Variants in SPECC1L observed in about 807,000 individuals in gnomAD.
The protein encoded by SPECC1L is sperm antigen with calponin homology and coiled-coil domains 1 like.
A neutral mutation model predicts 116.8 loss-of-function variants in SPECC1L; 40 were observed. The ratio of observed to expected loss-of-function variants is 0.34; its 90% confidence interval spans 0.27 to 0.45. SPECC1L has a LOEUF of 0.45. Ranked by LOEUF, SPECC1L falls within the 20% of genes least tolerant of loss-of-function variation. The pLI, the probability that SPECC1L is intolerant of heterozygous loss-of-function variation, is 1.00. For missense variants in SPECC1L, 1,110 were observed against 1,373.6 expected (o/e 0.81, Z 3.03); for synonymous variants, 504 against 500.6 (o/e 1.01, Z -0.09).
intron 2 of SPECC1L, among the ~76,000 whole-genome samples, chr22:24,280,450 A>G (rs1439554639): frequency 6.6e-6 from 1 of 151,820 alleles, no homozygotes; most frequent in Non-Finnish European, 1.5e-5. Flanking sequence ...GTAAAGGGCC[A>G]GACAGTAAAT....
At chr22:24,362,311 T>G (rs1193407398) in intron 11 of SPECC1L, among the ~76,000 whole-genome samples, 1 of 152,186 alleles carries the variant, frequency 6.6e-6, no homozygotes, top group East Asian at 1.9e-4. Flanking sequence ...GGTGATCAGG[T>G]TAGCCAGGAT....
At chr22:24,289,667 A>G (rs1393120157) in intron 2 of SPECC1L, among the ~76,000 whole-genome samples, 1 of 150,694 alleles carries the variant, frequency 6.6e-6, no homozygotes, top group Admixed American at 6.6e-5. Flanking sequence ...TTTAGTGGCC[A>G]TTTGAGTTGG....
chr22:24,411,853 C>G (rs2042705203), intron 15 of SPECC1L, 149 bp downstream of exon 15: 4 of 731,718 alleles, frequency 5.5e-6, no homozygotes, highest in African/African-American at 1.7e-5. Context: ...TCAGGTCATT[C>G]ATGCTGAGCC....
At chr22:24,363,154 G>A in intron 11 of SPECC1L, 107 bp from the exon 12 acceptor site, 1 of 976,196 alleles carries the variant, frequency 1.0e-6, no homozygotes, top group African/African-American at 1.6e-5. Flanking sequence ...TTGGGAAGAA[G>A]GATGAGCTTC....
chr22:24,390,867 C>CTTTTTTTTTT (rs1556306072), intron 14 of SPECC1L, among the ~76,000 whole-genome samples: 166 of 47,520 alleles, frequency 3.5e-3, no homozygotes, highest in Non-Finnish European at 4.7e-3. Flanking sequence ...TTTTTTTTTT[C>CTTTTTTTTTT]TTTTCTTTTT....
In SPECC1L at chr22:24,358,358, G is replaced by A. The variant is rs62233146; in HGVS notation, c.2744-4903G>A. ...CCTGGGCTCATGCTCCTCCTCCTGC[G>A]TCAGCTTCCTAGACTATTGGGATTA... On this transcript the variant is annotated intron_variant, in intron 11 of 16. Coordinates refer to ENST00000314328, the MANE Select transcript of SPECC1L (RefSeq NM_015330.6). Among the ~76,000 whole-genome samples the A allele has an allele frequency of 8.0e-3, 1,221 of 152,132 alleles. 9 individuals carry two copies. The highest frequency in any genetic ancestry group is 0.024 in the South Asian group (117 of 4,820).
At chr22:24,334,631 A>G (rs2041013233) in intron 9 of SPECC1L, 58 bp downstream of exon 9, 1 of 1,573,844 alleles carries the variant, frequency 6.4e-7, no homozygotes, top group Admixed American at 1.7e-5. Flanking sequence ...CTTACCTTAT[A>G]TTCTCTGGTC....
chr22:24,271,443 G>A (rs1264271884), intron 1 of SPECC1L, among the ~76,000 whole-genome samples: 1 of 152,270 alleles, frequency 6.6e-6, no homozygotes, highest in Non-Finnish European at 1.5e-5. Flanking sequence ...GGCCACAGGC[G>A]GCGGACCCCG....
At chr22:24,410,218 C>G (rs2042668480) in intron 14 of SPECC1L, among the ~76,000 whole-genome samples, 2 of 152,174 alleles carry the variant, frequency 1.3e-5, no homozygotes, top group South Asian at 4.1e-4. Context: ...GGTGTAATGG[C>G]TGTTCACAGG....
In SPECC1L at chr22:24,283,832, T is replaced by A. The variant is rs183171546; in HGVS notation, c.-38+7029T>A. ...AAGAAATTCATTTATTTTATGATAGTTTGTCTTTCAAGAAATTCATTTATT... is the reference window on the plus strand; with the variant it reads ...AAGAAATTCATTTATTTTATGATAGATTGTCTTTCAAGAAATTCATTTATT... On this transcript the variant is annotated intron_variant, in intron 2 of 16. Transcript: ENST00000314328. 3.8e-3 allele frequency among the ~76,000 whole-genome samples: 578 copies of A among 152,334 alleles called. 2 individuals are homozygous for A. Among genetic ancestry groups the A allele is most frequent in the Admixed American group, 6.4e-3 (98 of 15,310 alleles).
chr22:24,326,230 C>T (rs541663188), intron 6 of SPECC1L, among the ~76,000 whole-genome samples: 7 of 152,268 alleles, frequency 4.6e-5, no homozygotes, highest in East Asian at 3.9e-4. Context: ...CACGCCTGAC[C>T]GCCTGTTTTG....
At chr22:24,349,461 A>G (rs1407502893) in intron 11 of SPECC1L, among the ~76,000 whole-genome samples, 1 of 152,118 alleles carries the variant, frequency 6.6e-6, no homozygotes, top group Non-Finnish European at 1.5e-5. Flanking sequence ...TTTAAATACT[A>G]TTTTTGTGCT....
intron 2 of SPECC1L, among the ~76,000 whole-genome samples, chr22:24,281,843 A>G (rs560703605): frequency 2.6e-5 from 4 of 152,360 alleles, no homozygotes; most frequent in South Asian, 4.1e-4. Flanking sequence ...TAACTGCCCA[A>G]TGGGTTCACC....
At position 24,346,954 on chromosome 22, in the gene SPECC1L, G is replaced by A. The variant is rs187447443; in HGVS notation, c.2653-132G>A. ...ATCACAGTCCATGCCTGTAAGGTGT[G>A]TTACAACCTTACTATAGCAGTATGG... On this transcript the variant is annotated intron_variant, in intron 10 of 16. Transcript: ENST00000314328. 6.0e-5 allele frequency: 46 copies of A among 772,848 alleles called. 1 individual carries two copies. The East Asian group carries it at 1.2e-3, about 21-fold the overall frequency. 47.9% of individuals were successfully genotyped at this position (772,848 alleles called of 1,614,324 possible). A position where few individuals can be genotyped will look rare whatever the true frequency, so the allele number is the denominator to read the frequency against.
At position 24,314,577 on chromosome 22, in the gene SPECC1L, G is replaced by A. The variant is rs147474783; in HGVS notation, c.307+1111G>A. On this transcript the variant is annotated intron_variant, in intron 4 of 16. Transcript: ENST00000314328. ...TAAATCTTCTTTTTTAAAATCCATG[G>A]GTTTATCCTGATTCTTGCAGTTTAA... Among the ~76,000 whole-genome samples the A allele has an allele frequency of 4.0e-3, 607 of 152,038 alleles. 2 individuals are homozygous for A. Among genetic ancestry groups the A allele is most frequent in the Non-Finnish European group, 6.3e-3 (430 of 67,980 alleles).
Position 24,383,792 on chromosome 22 carries a change from A to ATTTTTTTTTTTT in SPECC1L, c.3087+14501_3087+14512dup, listed in dbSNP as rs538972717. On this transcript the variant is annotated intron_variant, in intron 14 of 16. Transcript: ENST00000314328. ...GCTGGGATTACAGGCACCCACCACT[A>ATTTTTTTTTTTT]TTTTTTTTTTTTTTTTTTTTTTTTT... 4.9e-4 allele frequency among the ~76,000 whole-genome samples: 38 copies of ATTTTTTTTTTTT among 77,328 alleles called. 6 individuals carry two copies. The highest frequency in any genetic ancestry group is 6.5e-4 in the Non-Finnish European group (28 of 42,898). 50.7% of individuals were successfully genotyped at this position (77,328 alleles called of 152,430 possible). A position where few individuals can be genotyped will look rare whatever the true frequency, so the allele number is the denominator to read the frequency against.
chr22:24,364,206 C>T (rs996052307), intron 12 of SPECC1L, among the ~76,000 whole-genome samples: 1 of 152,192 alleles, frequency 6.6e-6, no homozygotes, highest in Non-Finnish European at 1.5e-5. Flanking sequence ...AAAGTGCCTA[C>T]TCCCACTGAA....
rs1161766222 is a variant in SPECC1L at position 24,371,736 on chromosome 22, T to C, written c.3087+2416T>C. On this transcript the variant is annotated intron_variant, in intron 14 of 16. Coordinates refer to ENST00000314328, the MANE Select transcript of SPECC1L (RefSeq NM_015330.6). ...ATTGATTGATTGATTGATTGATCGATTGAGAGACAGAGTCTCATTCTGTCA... is the reference window on the plus strand; with the variant it reads ...ATTGATTGATTGATTGATTGATCGACTGAGAGACAGAGTCTCATTCTGTCA... Among the ~76,000 whole-genome samples, 49 of 152,142 alleles carry C rather than the reference T, an allele frequency of 3.2e-4. 1 individual carries two copies. Among genetic ancestry groups the C allele is most frequent in the Admixed American group, 3.1e-3 (47 of 15,276 alleles).
chr22:24,371,954 C>T (rs2041880146), intron 14 of SPECC1L, among the ~76,000 whole-genome samples: 1 of 152,204 alleles, frequency 6.6e-6, no homozygotes, highest in Non-Finnish European at 1.5e-5. Flanking sequence ...TTCCTTACCT[C>T]AGGTAATCTG....
Sources: gnomAD v4.1 joint callset for allele counts (sites outside exome capture counted in the v4.1 genomes callset) on GRCh38, gnomAD v4.1.1 for gene constraint, MANE v1.5 for transcripts, NCBI Gene and HGNC (gene_info 2026-07-23, HGNC 2026-07-21) for gene names.